DPYD: variants seen among roughly 807,000 people sequenced by gnomAD.
The protein encoded by DPYD is dihydropyrimidine dehydrogenase.
In DPYD, 109 loss-of-function variants were observed where a neutral mutation model predicts 116.2. The ratio of observed to expected loss-of-function variants is 0.94; its 90% CI spans 0.80 to 1.10. The LOEUF (loss-of-function observed/expected upper bound fraction) is 1.10. Among genes scored for constraint, DPYD ranks in the 50% least tolerant of loss-of-function variants. DPYD has a pLI of 0.00. For missense variants in DPYD, 1,302 were observed against 1,254.5 expected, an observed-to-expected ratio of 1.04 and a Z score of -0.57; for synonymous variants, 440 against 432.0, an observed-to-expected ratio of 1.02 and a Z score of -0.23.
chr1:97,788,771 G>A (rs1188440886), intron 3 of DPYD, among the ~76,000 whole-genome samples: 2 of 152,142 alleles, frequency 1.3e-5, no homozygotes, highest in African/African-American at 4.8e-5. Flanking sequence ...GAATAATATT[G>A]CAAAGGCAAA....
At chr1:97,875,289 C>T (rs1223011732) in intron 2 of DPYD, among the ~76,000 whole-genome samples, 2 of 151,792 alleles carry the variant, frequency 1.3e-5, no homozygotes, top group Non-Finnish European at 2.9e-5. Context: ...TAATCAGAAA[C>T]CAATACAATA....
intron 2 of DPYD, among the ~76,000 whole-genome samples, chr1:97,873,641 G>A (rs897049631): frequency 4.0e-5 from 6 of 151,128 alleles, no homozygotes; most frequent in Admixed American, 6.6e-5. Context: ...ACCAAGCTTC[G>A]TATTTCCCAT....
At chr1:97,662,194 G>C (rs1317724129) in intron 8 of DPYD, among the ~76,000 whole-genome samples, 6 of 150,498 alleles carry the variant, frequency 4.0e-5, no homozygotes, top group Non-Finnish European at 8.9e-5. Flanking sequence ...TAGAGATGGG[G>C]TTTCACCATG....
chr1:97,105,252 G>A (rs1651053303), intron 20 of DPYD, among the ~76,000 whole-genome samples: 1 of 151,976 alleles, frequency 6.6e-6, no homozygotes, highest in East Asian at 1.9e-4. Flanking sequence ...GAGAAATGTA[G>A]AATTTTGAAG....
intron 8 of DPYD, among the ~76,000 whole-genome samples, chr1:97,672,465 C>T (rs544950708): frequency 1.1e-4 from 16 of 151,836 alleles, no homozygotes; most frequent in Admixed American, 2.6e-4. Context: ...ACAATTACAC[C>T]GAAGTACTTA....
intron 12 of DPYD, among the ~76,000 whole-genome samples, chr1:97,530,042 C>T (rs1490147771): frequency 1.3e-5 from 2 of 151,756 alleles, no homozygotes; most frequent in African/African-American, 4.8e-5. Context: ...CATTTGACTA[C>T]CTTAGATGCC....
chr1:97,634,722 G>A (rs575723300), intron 8 of DPYD, among the ~76,000 whole-genome samples: 2 of 152,080 alleles, frequency 1.3e-5, no homozygotes, highest in African/African-American at 2.4e-5. Context: ...AAAAATTGTA[G>A]GTGAGCATTG....
chr1:97,644,389 C>T, intron 8 of DPYD, among the ~76,000 whole-genome samples: 1 of 151,948 alleles, frequency 6.6e-6, no homozygotes, highest in East Asian at 1.9e-4. Context: ...TGAGTATATA[C>T]ATCAGATGGT....
chr1:97,718,985 G>A (rs1044865601), intron 5 of DPYD, among the ~76,000 whole-genome samples: 1 of 151,392 alleles, frequency 6.6e-6, no homozygotes, highest in Non-Finnish European at 1.5e-5. Context: ...TGTCATGATA[G>A]GATTAAAATA....
chr1:97,468,584 T>C (rs1324286630), intron 13 of DPYD, among the ~76,000 whole-genome samples: 3 of 152,226 alleles, frequency 2.0e-5, no homozygotes, highest in Non-Finnish European at 4.4e-5. Context: ...ATCTGTTGTT[T>C]AGAATCTAAC....
intron 19 of DPYD, among the ~76,000 whole-genome samples, chr1:97,206,168 A>T (rs1399915358): frequency 6.6e-6 from 1 of 151,948 alleles, no homozygotes; most frequent in Non-Finnish European, 1.5e-5. Flanking sequence ...TCAGCCTAAA[A>T]AAAAAACTCA....
chr1:97,419,251 A>C (rs1674447933), intron 14 of DPYD, among the ~76,000 whole-genome samples: 1 of 152,148 alleles, frequency 6.6e-6, no homozygotes, highest in Admixed American at 6.5e-5. Flanking sequence ...TCACTGTATA[A>C]TACTTTCTTC....
At chr1:97,668,145 GTGGTATATTTTATGC>G (rs2100887074) in intron 8 of DPYD, among the ~76,000 whole-genome samples, 1 of 152,166 alleles carries the variant, frequency 6.6e-6, no homozygotes, top group South Asian at 2.1e-4. Context: ...GATGATGAAG[GTGGTATATTTTATGC>G]TATGTGTACT....
At chr1:97,855,788 G>A (rs1001469150) in intron 2 of DPYD, 1 of 152,230 alleles carries the variant, frequency 6.6e-6, no homozygotes, top group Non-Finnish European at 1.5e-5. Context: ...GGGAAACACA[G>A]AGCTGCTTTC....
intron 13 of DPYD, among the ~76,000 whole-genome samples, chr1:97,484,334 A>C (rs927865254): frequency 6.6e-6 from 1 of 152,074 alleles, no homozygotes; most frequent in Non-Finnish European, 1.5e-5. Context: ...AAACAAAAAA[A>C]TTCCCCTAGG....
intron 3 of DPYD, among the ~76,000 whole-genome samples, chr1:97,791,895 A>G (rs768603915): frequency 2.1e-4 from 32 of 152,222 alleles, no homozygotes; most frequent in Non-Finnish European, 1.3e-4. Flanking sequence ...GAAGTTAGTA[A>G]TGGGTAAAAA....
chr1:97,596,347 C>T (rs1054652763), intron 8 of DPYD, among the ~76,000 whole-genome samples: 1 of 152,020 alleles, frequency 6.6e-6, no homozygotes, highest in South Asian at 2.1e-4. Flanking sequence ...TTTATTATTT[C>T]CTTATTTTCC....
chr1:97,444,796 CTCTT>C (rs1675986273), intron 14 of DPYD, among the ~76,000 whole-genome samples: 1 of 152,086 alleles, frequency 6.6e-6, no homozygotes, highest in Non-Finnish European at 1.5e-5. Flanking sequence ...GGTCCAGAAA[CTCTT>C]TATAGAATAC....
chr1:97,909,402 T>C (rs945917170), intron 1 of DPYD, among the ~76,000 whole-genome samples: 1 of 152,128 alleles, frequency 6.6e-6, no homozygotes, highest in Non-Finnish European at 1.5e-5. Flanking sequence ...TCCCTTAATA[T>C]ATGTACCTGC....
Sources: allele counts gnomAD v4.1 joint callset (sites outside exome capture counted in the v4.1 genomes callset), GRCh38; gene constraint gnomAD v4.1.1; transcripts MANE v1.5; gene names NCBI Gene and HGNC (gene_info 2026-07-23, HGNC 2026-07-21).